The following REELD1 variants were observed in gnomAD, a reference collection of about 807,000 sequenced individuals.
The protein encoded by REELD1 is reelin domain-containing protein 1.
Under a neutral mutation model 6.3 loss-of-function variants are expected in REELD1, and 12 were observed. The ratio of observed to expected loss-of-function variants is 1.89; its 90% confidence interval spans 1.21 to 3.07. REELD1 has a LOEUF of 3.07. Among genes scored for constraint, REELD1 ranks in the 30% most tolerant of loss-of-function variants. The probability of loss-of-function intolerance (pLI) is 0.00; values close to 1 mark genes in which losing one functional copy is unlikely to be tolerated. For missense variants in REELD1, 163 were observed against 86.8 expected (o/e 1.88, Z -3.49); for synonymous variants, 57 against 33.6 (o/e 1.70, Z -2.42).
intron 5 of REELD1, among the ~76,000 whole-genome samples, chr4:146,224,955 T>C (rs1289320359): frequency 1.3e-5 from 2 of 152,192 alleles, no homozygotes; most frequent in Non-Finnish European, 2.9e-5. Flanking sequence ...TCTGCTGTTT[T>C]CCTTAGTCCC....
intron 2 of REELD1, among the ~76,000 whole-genome samples, chr4:146,215,955 T>C (rs1730819076): frequency 6.6e-6 from 1 of 152,150 alleles, no homozygotes; most frequent in African/African-American, 2.4e-5. Flanking sequence ...TTCACCGTAT[T>C]GCCCAGGCTG....
At chr4:146,223,641 C>T (rs1390700855) in intron 4 of REELD1, among the ~76,000 whole-genome samples, 4 of 152,214 alleles carry the variant, frequency 2.6e-5, no homozygotes. Context: ...AAGCTATGAT[C>T]TCCATTTGAC....
At position 146,229,882 on chromosome 4, in the gene REELD1, CT is replaced by C. The variant is rs1731094839; in HGVS notation, c.973-17del. On this transcript the variant is annotated intron_variant, in intron 7 of 7. Transcript: ENST00000623665. ...AGGAGGAAGACCAGTACCTTTGACT[CT>C]TTTTTCCCTTTGTTTTTCTAGGACA... 1.7e-4 allele frequency: 68 copies of C among 398,598 alleles called. No individual in the cohort carries two copies. In the East Asian group the frequency reaches 2.4e-3, roughly 14 times the overall value. The allele number at this position is 398,598 out of a possible 1,614,324, so 24.7% of individuals were successfully genotyped here.
At chr4:146,226,363 G>A (rs1477055889) in intron 5 of REELD1, among the ~76,000 whole-genome samples, 17 of 152,036 alleles carry the variant, frequency 1.1e-4, no homozygotes, top group Admixed American at 1.1e-3. Flanking sequence ...TATACTTCTT[G>A]GTAGGCAAGT....
chr4:146,220,616 T>C (rs1730907758), intron 3 of REELD1, among the ~76,000 whole-genome samples: 1 of 152,196 alleles, frequency 6.6e-6, no homozygotes, highest in Non-Finnish European at 1.5e-5. Flanking sequence ...ATCGCACAGT[T>C]TCAGGATGAG....
chr4:146,218,826 G>A (rs909656079), intron 3 of REELD1, among the ~76,000 whole-genome samples: 18 of 152,112 alleles, frequency 1.2e-4, no homozygotes, highest in African/African-American at 4.3e-4. Flanking sequence ...AGTGTTCTGT[G>A]GCTAGGGGAA....
rs1404775912 is a variant in REELD1 at position 146,217,025 on chromosome 4, TC to T, written c.76del (p.His26MetfsTer45). The T allele has an allele frequency of 7.5e-6, 3 of 398,738 alleles. No homozygotes were observed. In the East Asian group the frequency reaches 1.1e-4, roughly 14 times the overall value. 24.7% of individuals were successfully genotyped at this position (398,738 alleles called of 1,614,324 possible). A position where few individuals can be genotyped will look rare whatever the true frequency, so the allele number is the denominator to read the frequency against. Reference protein sequence around the residue: ...LCLASCSSAFSHGASTVACDD... With the variant: ...LCLASCSSAFXHGASTVACDD... ...CCTGGCTTCCTGCTCATCTGCCTTT[TC>T]CCATGGTGCCAGCACGGTGGCCTGT... is the stretch of plus-strand genomic sequence containing the variant. On this transcript the variant is annotated frameshift_variant, in exon 3 of 8. Coordinates refer to ENST00000623665, the MANE Select transcript of REELD1 (RefSeq NM_001354631.1). LOFTEE classifies it high-confidence loss of function.
Position 146,231,143 on chromosome 4 carries a change from G to T in REELD1, c.*630G>T, listed in dbSNP as rs1489129551. On this transcript the variant is annotated 3_prime_UTR_variant, in exon 8 of 8. Coordinates refer to ENST00000623665, the MANE Select transcript of REELD1 (RefSeq NM_001354631.1). ...AAGTCAGGAAAGTTTTTGAGAGCTT[G>T]ATTGAACACATCTTCAGGAAAACAT... is the stretch of plus-strand genomic sequence containing the variant. Among the ~76,000 whole-genome samples the T allele has an allele frequency of 6.6e-6, 1 of 152,180 alleles. No homozygotes were observed. Among genetic ancestry groups the T allele is most frequent in the African/African-American group, 2.4e-5 (1 of 41,440 alleles).
chr4:146,229,828 C>T (rs1731092606), intron 7 of REELD1, 77 bp from the exon 8 acceptor site: 1 of 397,804 alleles, frequency 2.5e-6, no homozygotes, highest in African/African-American at 2.1e-5. Context: ...TAAGGAACCC[C>T]AGTTAGTTAC....
chr4:146,217,655 C>T (rs1447724672), intron 3 of REELD1, among the ~76,000 whole-genome samples: 2 of 152,170 alleles, frequency 1.3e-5, no homozygotes, highest in Non-Finnish European at 2.9e-5. Flanking sequence ...TATAAGAAGA[C>T]ACAAATATTA....
intron 5 of REELD1, among the ~76,000 whole-genome samples, chr4:146,227,551 C>A (rs1018618042): frequency 4.6e-5 from 7 of 152,208 alleles, no homozygotes; most frequent in African/African-American, 1.7e-4. Flanking sequence ...CCTCATTTTG[C>A]AAATGAAGAA....
intron 4 of REELD1, among the ~76,000 whole-genome samples, chr4:146,223,172 A>G (rs1411442015): frequency 6.6e-6 from 1 of 152,208 alleles, no homozygotes; most frequent in African/African-American, 2.4e-5. Context: ...TTACCAAGAA[A>G]GATAATTTTT....
rs1369597835 is a variant in REELD1, at chr4:146,226,623, C to T, written c.596-1587C>T. Among the ~76,000 whole-genome samples, 5 of 152,164 alleles carry T rather than the reference C, an allele frequency of 3.3e-5. No individual in the cohort carries two copies. In the East Asian group the frequency reaches 9.6e-4, roughly 29 times the overall value. On this transcript the variant is annotated intron_variant, in intron 5 of 7. Transcript: ENST00000623665. ...AGGCTACTAATCCCATTCATAAGGGCTCCACCCTCATGACTTAAGCACCTG... is the reference window on the plus strand; with the variant it reads ...AGGCTACTAATCCCATTCATAAGGGTTCCACCCTCATGACTTAAGCACCTG...
At chr4:146,222,916 G>A (rs1211818450) in intron 4 of REELD1, among the ~76,000 whole-genome samples, 1 of 152,158 alleles carries the variant, frequency 6.6e-6, no homozygotes, top group African/African-American at 2.4e-5. Flanking sequence ...AGAGAGCCAA[G>A]AAAGAGAGAA....
chr4:146,217,464 G>C (rs1730847160), intron 3 of REELD1, among the ~76,000 whole-genome samples: 1 of 151,774 alleles, frequency 6.6e-6, no homozygotes, highest in East Asian at 1.9e-4. Context: ...GTCTGGTCTC[G>C]AGCTCCTGGG....
chr4:146,228,409 G>C lies in REELD1; in HGVS notation c.795G>C (p.Gly265=), dbSNP rs1731064934. Residue 265 remains glycine, a synonymous_variant, in exon 6 of 8, where the codon GGG becomes GGC. Coordinates refer to ENST00000623665, the MANE Select transcript of REELD1 (RefSeq NM_001354631.1). ...TEGSINQQPS[G]DSNPTLEPSL... ...GCAGCATCAACCAGCAACCCAGCGG[G>C]GACAGCAATCCCACCCTAGAGCCGT... 4.3e-6 allele frequency: 3 copies of C among 702,522 alleles called. No homozygotes were observed. In the East Asian group the frequency reaches 8.0e-5, roughly 19 times the overall value. 43.5% of individuals were successfully genotyped at this position (702,522 alleles called of 1,614,324 possible). A position where few individuals can be genotyped will look rare whatever the true frequency, so the allele number is the denominator to read the frequency against.
Position 146,214,617 on chromosome 4 carries a change from A to G in REELD1, c.-212A>G, listed in dbSNP as rs1730792622. 6.6e-6 allele frequency: 1 copy of G among 152,182 alleles called. No homozygotes were observed. The highest frequency in any genetic ancestry group is 6.5e-5 in the Admixed American group (1 of 15,278). 9.4% of individuals were successfully genotyped at this position (152,182 alleles called of 1,614,324 possible). A position where few individuals can be genotyped will look rare whatever the true frequency, so the allele number is the denominator to read the frequency against. ...GGAAAAACTGAAAGGAGAAGAAAAT[A>G]CTTATGTTTAAGGGATGTGTTTGCA... On this transcript the variant is annotated 5_prime_UTR_variant, in exon 1 of 8. It adds an upstream start codon to the 5' untranslated region. Transcript: ENST00000623665.
intron 2 of REELD1, among the ~76,000 whole-genome samples, chr4:146,215,812 A>G (rs193245791): frequency 4.7e-5 from 7 of 148,766 alleles, no homozygotes; most frequent in Non-Finnish European, 1.0e-4. Context: ...GTGCAATGGC[A>G]TGATCTCAGC....
intron 3 of REELD1, among the ~76,000 whole-genome samples, chr4:146,221,019 G>C (rs914847367): frequency 1.3e-5 from 2 of 152,168 alleles, no homozygotes; most frequent in Non-Finnish European, 2.9e-5. Flanking sequence ...CTAGATCAAA[G>C]AGTAATGATT....
Sources: allele counts gnomAD v4.1 joint callset (sites outside exome capture counted in the v4.1 genomes callset), GRCh38; gene constraint gnomAD v4.1.1; transcripts MANE v1.5; gene names NCBI Gene and HGNC (gene_info 2026-07-23, HGNC 2026-07-21).